COL25A1: variants seen among roughly 807,000 people sequenced by gnomAD.
COL25A1 encodes collagen alpha-1(XXV) chain.
In COL25A1, 103 loss-of-function variants were observed where a neutral mutation model predicts 128.4. The observed-to-expected ratio is 0.80, with a 90% CI of 0.68 to 0.94. COL25A1 has a LOEUF of 0.94. COL25A1 is among the 40% of genes least tolerant of loss of function. The pLI is 0.00. For synonymous variants in COL25A1, 279 were observed against 277.2 expected, an observed-to-expected ratio of 1.01 and a Z score of -0.06; for missense variants, 745 against 840.0, an observed-to-expected ratio of 0.89 and a Z score of 1.40.
chr4:108,994,452 G>A (rs1271959818), intron 6 of COL25A1, among the ~76,000 whole-genome samples: 1 of 152,228 alleles, frequency 6.6e-6, no homozygotes, highest in Non-Finnish European at 1.5e-5. Context: ...TGTAAACAAA[G>A]TGGCTGGGAA....
At chr4:109,186,623 T>C (rs1456249066) in intron 3 of COL25A1, among the ~76,000 whole-genome samples, 1 of 152,220 alleles carries the variant, frequency 6.6e-6, no homozygotes, top group Non-Finnish European at 1.5e-5. Context: ...CCTTCTGCGA[T>C]TGCCTTTCAA....
At chr4:108,852,133 C>T (rs1329155694) in intron 26 of COL25A1, 103 bp downstream of exon 26, 1 of 901,574 alleles carries the variant, frequency 1.1e-6, no homozygotes, top group African/African-American at 1.7e-5. Context: ...TTGATCTCAG[C>T]TTCTTCAGCA....
At chr4:109,200,000 A>G (rs1446865245) in intron 3 of COL25A1, among the ~76,000 whole-genome samples, 2 of 152,222 alleles carry the variant, frequency 1.3e-5, no homozygotes, top group Non-Finnish European at 2.9e-5. Flanking sequence ...GTGGGTTATC[A>G]CAGAGTAACC....
intron 6 of COL25A1, among the ~76,000 whole-genome samples, chr4:109,000,773 A>AAAAC (rs1755287623): frequency 7.0e-6 from 1 of 142,532 alleles, no homozygotes; most frequent in Non-Finnish European, 1.6e-5. Flanking sequence ...AAAAAAGAAA[A>AAAAC]AACTATACAC....
At position 108,941,388 on chromosome 4, in the gene COL25A1, A is replaced by C; in HGVS notation, c.542T>G (p.Leu181Arg). 1 of 1,613,948 alleles carries C rather than the reference A, an allele frequency of 6.2e-7. No individual in the cohort carries two copies. Among genetic ancestry groups the C allele is most frequent in the Non-Finnish European group, 8.5e-7 (1 of 1,179,848 alleles). ...NHGFLSADQQ[L>R]IKRRLIKGDQ... ...TACCTTAATCAGGCGGCGTTTAATG[A>C]GCTGCTGATCAGCAGAGAGAAACCC... The change falls in exon 9 of 38, where the codon CTC becomes CGC. Residue 181 changes from leucine (L) to arginine (R), a missense_variant. Physicochemically the swap from Leu to Arg is moderately radical, Grantham distance 102 (BLOSUM62 -2). This residue lies in a region of COL25A1 where 319 missense variants were observed against 324.9 expected (regional missense o/e 0.98). Transcript: ENST00000399132.
chr4:108,974,450 T>C (rs1433669322), intron 7 of COL25A1, 57 bp from the exon 8 acceptor site: 1 of 1,609,682 alleles, frequency 6.2e-7, no homozygotes, highest in Non-Finnish European at 8.5e-7. Flanking sequence ...ATGATGTTCA[T>C]TAAAAAGATC....
intron 19 of COL25A1, among the ~76,000 whole-genome samples, chr4:108,874,311 A>G (rs969452334): frequency 6.6e-6 from 1 of 152,176 alleles, no homozygotes; most frequent in Non-Finnish European, 1.5e-5. Context: ...TACATATTTA[A>G]TCTCCCTTAA....
chr4:108,872,660 A>G lies in COL25A1; in HGVS notation c.1021-3510T>C, dbSNP rs1738882630. On this transcript the variant is annotated intron_variant, in intron 19 of 37. Coordinates refer to ENST00000399132, the MANE Select transcript of COL25A1 (RefSeq NM_198721.4). Reference sequence around the variant, plus strand: ...AGATATGAGAATCCAGTTGCCTTCTATTAAGTCAGGCATTAGATTTGATAT... The same window carrying G: ...AGATATGAGAATCCAGTTGCCTTCTGTTAAGTCAGGCATTAGATTTGATAT... Among the ~76,000 whole-genome samples the G allele has an allele frequency of 2.6e-5, 4 of 152,050 alleles. No individual in the cohort carries two copies. The South Asian group carries it at 8.3e-4, about 32-fold the overall frequency.
At chr4:109,049,497 T>C (rs1395850557) in intron 4 of COL25A1, among the ~76,000 whole-genome samples, 2 of 152,194 alleles carry the variant, frequency 1.3e-5, no homozygotes, top group African/African-American at 4.8e-5. Context: ...GGACAATTGG[T>C]TCTGTTTCAA....
chr4:108,957,382 C>T (rs1560930888), intron 8 of COL25A1, among the ~76,000 whole-genome samples: 1 of 152,108 alleles, frequency 6.6e-6, no homozygotes, highest in African/African-American at 2.4e-5. Flanking sequence ...TCAGTTTAGG[C>T]TGGGCCATCA....
At chr4:108,974,217 G>GT (rs1414102306) in intron 8 of COL25A1, 150 bp downstream of exon 8, 3 of 721,272 alleles carry the variant, frequency 4.2e-6, no homozygotes, top group Non-Finnish European at 7.1e-6. Flanking sequence ...CGTTAATCAG[G>GT]TTTTTTTCAC....
chr4:108,828,172 G>A (rs1732611605), intron 32 of COL25A1, among the ~76,000 whole-genome samples: 2 of 152,114 alleles, frequency 1.3e-5, no homozygotes, highest in South Asian at 4.1e-4. Flanking sequence ...ACAGAGTCTT[G>A]CTCTGTTGCC....
At chr4:108,913,261 C>CTTTTTTTTCTTTTTTTTTTTTT (rs1744456226) in intron 13 of COL25A1, among the ~76,000 whole-genome samples, 1 of 92,396 alleles carries the variant, frequency 1.1e-5, no homozygotes, top group Non-Finnish European at 2.1e-5. Flanking sequence ...TCTCTAGCTC[C>CTTTTTTTTCTTTTTTTTTTTTT]TTTTTTTTTT....
At position 109,006,378 on chromosome 4, in the gene COL25A1, ATTTTTTTTTTTTT is replaced by A. The variant is rs56845799; in HGVS notation, c.438+3967_438+3979del. Among the ~76,000 whole-genome samples the A allele has an allele frequency of 2.9e-4, 15 of 51,876 alleles. 1 individual carries two copies. In the East Asian group the frequency reaches 3.4e-3, roughly 12 times the overall value. 34.0% of individuals were successfully genotyped at this position (51,876 alleles called of 152,430 possible). A position where few individuals can be genotyped will look rare whatever the true frequency, so the allele number is the denominator to read the frequency against. On this transcript the variant is annotated intron_variant, in intron 6 of 37. Coordinates refer to ENST00000399132, the MANE Select transcript of COL25A1 (RefSeq NM_198721.4). Reference sequence around the variant, plus strand: ...AGGTGTGCACTGCCACACCCAGCTAATTTTTTTTTTTTTTTTTTTTTTTTTTTTTTTTGGTATT... The same window carrying A: ...AGGTGTGCACTGCCACACCCAGCTAATTTTTTTTTTTTTTTTTTTGGTATT...
chr4:109,277,851 A>G (rs1473774980), intron 3 of COL25A1, among the ~76,000 whole-genome samples: 1 of 152,174 alleles, frequency 6.6e-6, no homozygotes, highest in East Asian at 1.9e-4. Flanking sequence ...ATGTGCTATT[A>G]TTGGCCGGAC....
At chr4:109,123,019 GC>G (rs1477713301) in intron 3 of COL25A1, among the ~76,000 whole-genome samples, 1 of 151,978 alleles carries the variant, frequency 6.6e-6, no homozygotes, top group Admixed American at 6.6e-5. Context: ...AATAAAAGAA[GC>G]TAAAATGTAA....
intron 3 of COL25A1, among the ~76,000 whole-genome samples, chr4:109,292,591 T>A (rs1038330306): frequency 2.6e-5 from 4 of 152,034 alleles, no homozygotes; most frequent in Non-Finnish European, 5.9e-5. Context: ...GTAATACAGC[T>A]GTACCATGAG....
intron 3 of COL25A1, among the ~76,000 whole-genome samples, chr4:109,188,953 A>G (rs1376786014): frequency 6.6e-6 from 1 of 152,138 alleles, no homozygotes; most frequent in African/African-American, 2.4e-5. Context: ...GAAGTAATTT[A>G]GTTAATAAAC....
intron 6 of COL25A1, among the ~76,000 whole-genome samples, chr4:108,994,152 A>G (rs533790941): frequency 5.9e-5 from 9 of 152,210 alleles, no homozygotes; most frequent in Non-Finnish European, 1.3e-4. Flanking sequence ...AGGGAGGGGC[A>G]TCGCCTCATC....
Sources: gnomAD v4.1 joint callset for allele counts (sites outside exome capture counted in the v4.1 genomes callset) on GRCh38, gnomAD v4.1.1 for gene constraint, gnomAD v4.1.1 regional missense constraint, MANE v1.5 for transcripts, NCBI Gene and HGNC (gene_info 2026-07-23, HGNC 2026-07-21) for gene names.